EBF2: variants seen among roughly 807,000 people sequenced by gnomAD.
The protein encoded by EBF2 is EBF transcription factor 2, also known as transcription factor COE2.
In EBF2, 21 loss-of-function variants were observed where a neutral mutation model predicts 72.8. The observed-to-expected ratio is 0.29, with a 90% confidence interval of 0.20 to 0.42. EBF2 has a LOEUF of 0.42. Ranked by LOEUF, EBF2 falls within the 10% of genes least tolerant of loss-of-function variation. The probability of loss-of-function intolerance (pLI) is 1.00; values close to 1 mark genes in which losing one functional copy is unlikely to be tolerated. For synonymous variants in EBF2, 299 were observed against 274.2 expected (o/e 1.09, Z -0.89); for missense variants, 637 against 731.2 (o/e 0.87, Z 1.49).
intron 6 of EBF2, among the ~76,000 whole-genome samples, chr8:25,952,472 C>T: frequency 6.6e-6 from 1 of 151,872 alleles, no homozygotes; most frequent in East Asian, 1.9e-4. Context: ...GAAATGTGAT[C>T]CAGAACTGTC....
intron 6 of EBF2, among the ~76,000 whole-genome samples, chr8:26,029,054 G>A (rs1456732543): frequency 6.6e-6 from 1 of 152,204 alleles, no homozygotes; most frequent in Non-Finnish European, 1.5e-5. Context: ...GAGTAATTTA[G>A]TATTGGGGGA....
At chr8:25,929,623 T>TA (rs1803448263) in intron 6 of EBF2, among the ~76,000 whole-genome samples, 1 of 152,210 alleles carries the variant, frequency 6.6e-6, no homozygotes, top group Non-Finnish European at 1.5e-5. Context: ...CTAAGTTCTA[T>TA]TCCTCTTTCA....
intron 7 of EBF2, among the ~76,000 whole-genome samples, chr8:25,896,002 A>G (rs554035747): frequency 1.3e-5 from 2 of 152,036 alleles, no homozygotes; most frequent in Non-Finnish European, 2.9e-5. Flanking sequence ...ATTTAGTTGA[A>G]TTACATAAGC....
intron 6 of EBF2, among the ~76,000 whole-genome samples, chr8:25,995,211 CA>C (rs1284065887): frequency 6.6e-6 from 1 of 152,112 alleles, no homozygotes; most frequent in Non-Finnish European, 1.5e-5. Context: ...GAGGCTGAGG[CA>C]GGAGAATCGC....
At position 25,874,149 on chromosome 8, in the gene EBF2, T is replaced by A. The variant is rs186980613; in HGVS notation, c.1010-11352A>T. 1.7e-3 allele frequency among the ~76,000 whole-genome samples: 264 copies of A among 152,304 alleles called. 1 individual carries two copies. The highest frequency in any genetic ancestry group is 3.1e-3 in the Non-Finnish European group (213 of 68,030). On this transcript the variant is annotated intron_variant, in intron 10 of 15. Transcript: ENST00000520164. ...CAGATTCATTTCTTCAATGGGAATT[T>A]TTTTTTCCAGGATAACGCTATATGG...
intron 14 of EBF2, among the ~76,000 whole-genome samples, chr8:25,853,702 TA>T (rs969552015): frequency 2.0e-5 from 3 of 151,938 alleles, no homozygotes; most frequent in Non-Finnish European, 4.4e-5. Flanking sequence ...GGCATTTTTA[TA>T]ATAATGAAAA....
intron 7 of EBF2, among the ~76,000 whole-genome samples, chr8:25,897,870 A>G (rs1347930300): frequency 6.6e-6 from 1 of 152,180 alleles, no homozygotes; most frequent in African/African-American, 2.4e-5. Flanking sequence ...TCCTTTGAGT[A>G]TATACCCAGC....
At chr8:26,010,331 A>T (rs530141227) in intron 6 of EBF2, among the ~76,000 whole-genome samples, 8 of 152,362 alleles carry the variant, frequency 5.3e-5, no homozygotes, top group African/African-American at 1.7e-4. Flanking sequence ...CACAGACCGA[A>T]AGGAAACTCC....
intron 6 of EBF2, among the ~76,000 whole-genome samples, chr8:25,930,521 G>A (rs1411988465): frequency 3.9e-5 from 6 of 152,094 alleles, no homozygotes; most frequent in Non-Finnish European, 8.8e-5. Flanking sequence ...TTGATTGATC[G>A]ACTGATTAAT....
chr8:25,978,327 G>A (rs1015117782), intron 6 of EBF2, among the ~76,000 whole-genome samples: 1 of 152,194 alleles, frequency 6.6e-6, no homozygotes, highest in Non-Finnish European at 1.5e-5. Flanking sequence ...TTGGTTTGGT[G>A]GTGGGCAGAT....
chr8:25,947,825 G>T (rs574361159), intron 6 of EBF2, among the ~76,000 whole-genome samples: 1 of 152,296 alleles, frequency 6.6e-6, no homozygotes, highest in East Asian at 1.9e-4. Flanking sequence ...AATTACCCAG[G>T]ATTCTACTTT....
At chr8:25,882,263 G>T (rs966338746) in intron 10 of EBF2, among the ~76,000 whole-genome samples, 1 of 152,198 alleles carries the variant, frequency 6.6e-6, no homozygotes, top group Non-Finnish European at 1.5e-5. Context: ...AGGCACTGAA[G>T]AAGCGAGCCA....
chr8:25,907,352 G>A (rs1003097654), intron 7 of EBF2, among the ~76,000 whole-genome samples: 11 of 142,930 alleles, frequency 7.7e-5, no homozygotes, highest in East Asian at 2.1e-4. Flanking sequence ...CCCAGGAGGC[G>A]GAGTTTGCAG....
chr8:26,013,048 T>C lies in EBF2; in HGVS notation c.551+20037A>G, dbSNP rs368319678. ...ATGAGTCAAATATATGGCATCCTAG[T>C]TGATGAAGAGTGTTAGGAAGAAAAT... On this transcript the variant is annotated intron_variant, in intron 6 of 15. Transcript: ENST00000520164. Among the ~76,000 whole-genome samples, 3 of 152,096 alleles carry C rather than the reference T, an allele frequency of 2.0e-5. No individual in the cohort carries two copies. The East Asian group carries it at 5.8e-4, about 29-fold the overall frequency.
At chr8:25,899,546 C>T (rs766954575) in intron 7 of EBF2, among the ~76,000 whole-genome samples, 7 of 152,258 alleles carry the variant, frequency 4.6e-5, no homozygotes, top group East Asian at 3.9e-4. Flanking sequence ...CCCTCTCCAA[C>T]GGGTGTGAGA....
Position 25,843,617 on chromosome 8 carries a change from T to TA in EBF2, c.*991_*992insT, listed in dbSNP as rs1347652974. 4 of 152,246 alleles carry TA rather than the reference T, an allele frequency of 2.6e-5. No homozygotes were observed. Among genetic ancestry groups the TA allele is most frequent in the African/African-American group, 9.6e-5 (4 of 41,462 alleles). The allele number at this position is 152,246 out of a possible 1,614,324, so 9.4% of individuals were successfully genotyped here. On this transcript the variant is annotated 3_prime_UTR_variant, in exon 16 of 16. Coordinates refer to ENST00000520164, the MANE Select transcript of EBF2 (RefSeq NM_022659.4). The stretch of plus-strand genomic sequence containing the variant: ...CCTGAGACAGACTCAAACATGGGAA[T>TA]TCTCTGGACTGCTCAGGGGAGAACG...
intron 6 of EBF2, among the ~76,000 whole-genome samples, chr8:26,008,416 T>C (rs553694915): frequency 3.3e-5 from 5 of 152,288 alleles, no homozygotes; most frequent in African/African-American, 1.2e-4. Context: ...TCCGTGCCCA[T>C]TAAATAAATG....
chr8:25,863,727 A>G (rs967925653), intron 10 of EBF2, among the ~76,000 whole-genome samples: 2 of 152,132 alleles, frequency 1.3e-5, no homozygotes, highest in African/African-American at 2.4e-5. Flanking sequence ...TTCTATCATA[A>G]CAATGCCTCT....
chr8:26,040,845 T>C (rs572823168), intron 3 of EBF2, 94 bp downstream of exon 3: 20 of 1,566,052 alleles, frequency 1.3e-5, no homozygotes, highest in Admixed American at 1.8e-5. Flanking sequence ...CTGGGCTCCA[T>C]GCGATCCCTG....
Sources: gnomAD v4.1 joint callset for allele counts (sites outside exome capture counted in the v4.1 genomes callset) on GRCh38, gnomAD v4.1.1 for gene constraint, MANE v1.5 for transcripts, NCBI Gene and HGNC (gene_info 2026-07-23, HGNC 2026-07-21) for gene names.